The following EIF3A variants were observed in gnomAD, a reference collection of about 807,000 sequenced individuals.
EIF3A encodes the protein EIF3, p180 subunit.
A neutral mutation model predicts 186.6 loss-of-function variants in EIF3A; 21 were observed. The observed-to-expected ratio is 0.11, with a 90% confidence interval of 0.08 to 0.16. The LOEUF is 0.16. Ranked by LOEUF, EIF3A falls within the 10% of genes least tolerant of loss-of-function variation. The pLI is 1.00. For synonymous variants in EIF3A, 563 were observed against 584.3 expected, an observed-to-expected ratio of 0.96 and a Z score of 0.52; for missense variants, 1,306 against 1,796.3, an observed-to-expected ratio of 0.73 and a Z score of 4.93.
At chr10:119,060,253 G>C (rs1468711629) in intron 9 of EIF3A, 1 of 451,400 alleles carries the variant, frequency 2.2e-6, no homozygotes, top group East Asian at 6.2e-5. Context: ...TGAAAAGGCT[G>C]TCTCATTCAC....
At position 119,043,945 on chromosome 10, in the gene EIF3A, T is replaced by G; in HGVS notation, c.2747+109A>C. On this transcript the variant is annotated intron_variant, in intron 18 of 21. Transcript: ENST00000369144. ...ACACGCAATCAGACATGCACACAAT[T>G]CTTCATGGCTCTCCTTTCCCTGCCT... 8.5e-6 allele frequency: 7 copies of G among 827,868 alleles called. No homozygotes were observed. In the South Asian group the frequency reaches 1.1e-4, roughly 12 times the overall value. 51.3% of individuals were successfully genotyped at this position (827,868 alleles called of 1,614,324 possible).
In EIF3A at chr10:119,049,950, G is replaced by C. The variant is rs749503423; in HGVS notation, c.2509C>G (p.Arg837Gly). The C allele has an allele frequency of 2.5e-6, 4 of 1,613,840 alleles. No individual in the cohort carries two copies. The highest frequency in any genetic ancestry group is 3.4e-6 in the Non-Finnish European group (4 of 1,179,984). ...EERERAERAKREEELREYQER... is the reference protein window; with the variant it reads ...EERERAERAKGEEELREYQER... Reference sequence around the variant, plus strand: ...TGATACTCTCGTAGCTCTTCCTCGCGTTTTGCTCGTTCGGCGCGCTCTCTC... The same window carrying C: ...TGATACTCTCGTAGCTCTTCCTCGCCTTTTGCTCGTTCGGCGCGCTCTCTC... Residue 837 changes from arginine to glycine, a missense_variant, in exon 17 of 22, where the codon CGC (arginine) becomes GGC (glycine). By Grantham distance (125) the Arg-to-Gly change is moderately radical. Coordinates refer to ENST00000369144, the MANE Select transcript of EIF3A (RefSeq NM_003750.4).
chr10:119,058,274 A>C lies in EIF3A; in HGVS notation c.1659T>G (p.Ala553=), dbSNP rs1025895524. The change falls in exon 12 of 22, where the codon GCT becomes GCG. Residue 553 remains alanine (A), a synonymous_variant. Transcript: ENST00000369144. ...GTGAATTTTTAAGGTATGCAGTGACAGCCAACTGATGCTGTTCTTCTTTCT... is the reference window on the plus strand; with the variant it reads ...GTGAATTTTTAAGGTATGCAGTGACCGCCAACTGATGCTGTTCTTCTTTCT... ...LQEKEEQHQL[A]VTAYLKNSRK... is the part of the protein sequence containing the mutation. The C allele has an allele frequency of 1.2e-6, 2 of 1,602,638 alleles. No individual in the cohort carries two copies. Among genetic ancestry groups the C allele is most frequent in the Non-Finnish European group, 1.7e-6 (2 of 1,174,974 alleles).
chr10:119,065,811 T>C (rs1024616052), intron 6 of EIF3A, among the ~76,000 whole-genome samples: 1 of 152,196 alleles, frequency 6.6e-6, no homozygotes, highest in Admixed American at 6.5e-5. Flanking sequence ...CAGTGTTTTC[T>C]AGCTTCAGAA....
At chr10:119,078,023 C>A (rs1844204729) in intron 1 of EIF3A, among the ~76,000 whole-genome samples, 1 of 152,128 alleles carries the variant, frequency 6.6e-6, no homozygotes, top group South Asian at 2.1e-4. Context: ...GCATTTGGAG[C>A]ATACCTTTCA....
chr10:119,076,927 G>A (rs1844184206), intron 1 of EIF3A, among the ~76,000 whole-genome samples: 1 of 106,204 alleles, frequency 9.4e-6, no homozygotes, highest in Non-Finnish European at 1.9e-5. Flanking sequence ...TAGAGGGAGA[G>A]ACTCTGTCTC....
At chr10:119,072,024 CAAAA>C (rs56100757) in intron 4 of EIF3A, among the ~76,000 whole-genome samples, 5,651 of 59,514 alleles carry the variant, frequency 0.095, 227 homozygotes, top group African/African-American at 0.2. Flanking sequence ...GACTCTGTCT[CAAAA>C]AAAAAAAAAA....
At chr10:119,068,971 CAAAA>C (rs59413780) in intron 6 of EIF3A, among the ~76,000 whole-genome samples, 1 of 99,018 alleles carries the variant, frequency 1.0e-5, no homozygotes. Context: ...CTCTGTCTTG[CAAAA>C]AAAAAAAAAA....
intron 12 of EIF3A, 84 bp from the exon 13 acceptor site, chr10:119,057,124 C>T (rs1843795061): frequency 1.1e-5 from 8 of 744,538 alleles, no homozygotes; most frequent in Non-Finnish European, 1.8e-5. Context: ...AGAATAAAAT[C>T]CTACATTGCT....
In EIF3A at chr10:119,073,738, C is replaced by T. The variant is rs962170090; in HGVS notation, c.240+9G>A. 6 of 1,587,828 alleles carry T rather than the reference C, an allele frequency of 3.8e-6. No homozygotes were observed. Among genetic ancestry groups the T allele is most frequent in the African/African-American group, 1.4e-5 (1 of 73,542 alleles). On this transcript the variant is annotated intron_variant, in intron 2 of 21. Transcript: ENST00000369144. ...TTGTTAAAAATATACAACCCAGTTC[C>T]GTTTGTACCTGTTGACAAATGTTCT...
At chr10:119,053,568 A>G (rs1848386895) in intron 14 of EIF3A, among the ~76,000 whole-genome samples, 1 of 151,600 alleles carries the variant, frequency 6.6e-6, no homozygotes, top group Admixed American at 6.6e-5. Flanking sequence ...AAAAAAAAAA[A>G]AAAAAAAAAA....
At chr10:119,075,004 T>C (rs1417045740) in intron 1 of EIF3A, among the ~76,000 whole-genome samples, 2 of 104,406 alleles carry the variant, frequency 1.9e-5, no homozygotes, top group African/African-American at 6.5e-5. Context: ...TTTTTTGACA[T>C]GGAATCTCGC....
chr10:119,077,555 A>ATT (rs1564763219), intron 1 of EIF3A, among the ~76,000 whole-genome samples: 2 of 147,436 alleles, frequency 1.4e-5, no homozygotes, highest in African/African-American at 5.2e-5. Context: ...AGTTCCTCCG[A>ATT]ATTTTTTTTT....
chr10:119,076,467 C>T (rs981886085), intron 1 of EIF3A, among the ~76,000 whole-genome samples: 11 of 151,268 alleles, frequency 7.3e-5, no homozygotes, highest in Non-Finnish European at 1.3e-4. Context: ...GTCCATCTTT[C>T]GCTGACTCCA....
At chr10:119,073,609 T>C in intron 2 of EIF3A, 32 bp from the exon 3 acceptor site, 1 of 1,594,970 alleles carries the variant, frequency 6.3e-7, no homozygotes, top group Non-Finnish European at 8.5e-7. Flanking sequence ...TCTTCAGAAC[T>C]TATTTTTCCA....
Position 119,038,406 on chromosome 10 carries a change from T to A in EIF3A, c.3560A>T (p.Glu1187Val), listed in dbSNP as rs1052843926. 2 of 1,614,040 alleles carry A rather than the reference T, an allele frequency of 1.2e-6. No homozygotes were observed. The highest frequency in any genetic ancestry group is 1.7e-6 in the Non-Finnish European group (2 of 1,180,026). The change falls in exon 20 of 22, where the codon GAG (glutamate) becomes GTG (valine). Residue 1187 changes from glutamate (E) to valine (V), a missense_variant. Physicochemically the swap from Glu to Val is moderately radical, Grantham distance 121. This residue lies in a region of EIF3A where 331 missense variants were observed against 365.8 expected (regional missense o/e 0.90). Coordinates refer to ENST00000369144, the MANE Select transcript of EIF3A (RefSeq NM_003750.4). ...TGATTCTCGAGGTGGACCCCAGCTC[T>A]CCTCTCTGGCTTTTTCTTTCTCTCT... Reference protein sequence around the residue: ...GWREKEKAREESWGPPRESRP... With the variant: ...GWREKEKAREVSWGPPRESRP...
Position 119,058,275 on chromosome 10 carries a change from G to A in EIF3A, c.1658C>T (p.Ala553Val). 2.5e-6 allele frequency: 4 copies of A among 1,598,482 alleles called. No homozygotes were observed. Among genetic ancestry groups the A allele is most frequent in the Non-Finnish European group, 3.4e-6 (4 of 1,173,270 alleles). Residue 553 changes from alanine to valine, a missense_variant, in exon 12 of 22, where the codon GCT becomes GTT. Around this residue, in one of 8 missense-constraint regions of EIF3A, gnomAD observed 44 missense variants for 43.4 expected, o/e 1.01. Coordinates refer to ENST00000369144, the MANE Select transcript of EIF3A (RefSeq NM_003750.4). Reference sequence around the variant, plus strand: ...TGAATTTTTAAGGTATGCAGTGACAGCCAACTGATGCTGTTCTTCTTTCTC... The same window carrying A: ...TGAATTTTTAAGGTATGCAGTGACAACCAACTGATGCTGTTCTTCTTTCTC... ...LQEKEEQHQL[A>V]VTAYLKNSRK...
At position 119,041,005 on chromosome 10, in the gene EIF3A, CAAA is replaced by C. The variant is rs34452005; in HGVS notation, c.3526+986_3526+988del. On this transcript the variant is annotated intron_variant, in intron 19 of 21. Transcript: ENST00000369144. ...AGATGACAGAGCGAGACTCCGTCTC[CAAA>C]AAAAAAAAAAAAAAAAAAAATTAGC... Among the ~76,000 whole-genome samples, 720 of 78,698 alleles carry C rather than the reference CAAA, an allele frequency of 9.1e-3. 10 individuals are homozygous for C. Among genetic ancestry groups the C allele is most frequent in the African/African-American group, 0.037 (691 of 18,676 alleles). The allele number at this position is 78,698 out of a possible 152,430, so 51.6% of individuals were successfully genotyped here. A position where few individuals can be genotyped will look rare whatever the true frequency, so the allele number is the denominator to read the frequency against.
intron 19 of EIF3A, among the ~76,000 whole-genome samples, chr10:119,039,006 G>A (rs762569053): frequency 6.6e-6 from 1 of 152,122 alleles, no homozygotes. Context: ...AAGTATCACT[G>A]AAAATTTTAG....
Sources: allele counts gnomAD v4.1 joint callset (sites outside exome capture counted in the v4.1 genomes callset), GRCh38; gene constraint gnomAD v4.1.1; regional missense constraint gnomAD v4.1.1; transcripts MANE v1.5; gene names NCBI Gene and HGNC (gene_info 2026-07-23, HGNC 2026-07-21).